The following ZNF804B variants were observed in gnomAD, a reference collection of about 807,000 sequenced individuals.
The protein encoded by ZNF804B is zinc finger 804B.
A neutral mutation model predicts 101.4 loss-of-function variants in ZNF804B; 80 were observed. The observed-to-expected ratio is 0.79, with a 90% CI of 0.66 to 0.95. The LOEUF (loss-of-function observed/expected upper bound fraction) is 0.95. ZNF804B is among the 40% of genes least tolerant of loss of function. The pLI is 0.00. For missense variants in ZNF804B, 1,673 were observed against 1,561.9 expected (o/e 1.07, Z -1.20); for synonymous variants, 622 against 558.8 (o/e 1.11, Z -1.59).
chr7:88,900,966 A>C (rs1792381020), intron 1 of ZNF804B, among the ~76,000 whole-genome samples: 1 of 151,796 alleles, frequency 6.6e-6, no homozygotes, highest in African/African-American at 2.4e-5. Flanking sequence ...TTTAATGATA[A>C]ATACTTCTAG....
intron 1 of ZNF804B, among the ~76,000 whole-genome samples, chr7:88,990,602 T>C: frequency 6.6e-6 from 1 of 152,106 alleles, no homozygotes; most frequent in East Asian, 1.9e-4. Context: ...TACCATATTG[T>C]ATCCCAGATA....
At chr7:88,794,172 C>T (rs758264497) in intron 1 of ZNF804B, 1 of 1,593,308 alleles carries the variant, frequency 6.3e-7, no homozygotes, top group Non-Finnish European at 8.6e-7. Flanking sequence ...CACATTATCC[C>T]TCTCAATCCT....
At chr7:88,996,034 C>T (rs1350697273) in intron 1 of ZNF804B, among the ~76,000 whole-genome samples, 1 of 151,972 alleles carries the variant, frequency 6.6e-6, no homozygotes, top group Non-Finnish European at 1.5e-5. Context: ...CATAGTGTGG[C>T]ATTGTAGATG....
At position 89,056,885 on chromosome 7, in the gene ZNF804B, T is replaced by G. The variant is rs192040516; in HGVS notation, c.109-161270T>G. ...GTCATCGTGTCACTGAATGAAGAGATGGGAAGAAACCTCAAATCTATCTTC... is the reference window on the plus strand; with the variant it reads ...GTCATCGTGTCACTGAATGAAGAGAGGGGAAGAAACCTCAAATCTATCTTC... On this transcript the variant is annotated intron_variant, in intron 1 of 3. Coordinates refer to ENST00000333190, the MANE Select transcript of ZNF804B (RefSeq NM_181646.5). 1.5e-3 allele frequency among the ~76,000 whole-genome samples: 224 copies of G among 152,114 alleles called. 1 individual carries two copies. The highest frequency in any genetic ancestry group is 2.6e-3 in the Non-Finnish European group (175 of 67,960).
chr7:89,202,077 T>C (rs1478252510), intron 1 of ZNF804B, among the ~76,000 whole-genome samples: 1 of 152,082 alleles, frequency 6.6e-6, no homozygotes, highest in East Asian at 1.9e-4. Flanking sequence ...ATAGGGATTG[T>C]GTATTATTAT....
intron 1 of ZNF804B, among the ~76,000 whole-genome samples, chr7:89,151,708 A>AC (rs1790879288): frequency 6.6e-6 from 1 of 151,938 alleles, no homozygotes; most frequent in Non-Finnish European, 1.5e-5. Context: ...CTGAAAAAAA[A>AC]AAATAATTTT....
At chr7:89,113,717 C>T (rs1790258597) in intron 1 of ZNF804B, among the ~76,000 whole-genome samples, 1 of 152,024 alleles carries the variant, frequency 6.6e-6, no homozygotes. Context: ...CTTTGGGAGG[C>T]CAAGGCGGGC....
chr7:89,255,763 G>A (rs1789621544), intron 2 of ZNF804B, among the ~76,000 whole-genome samples: 1 of 152,028 alleles, frequency 6.6e-6, no homozygotes, highest in Non-Finnish European at 1.5e-5. Context: ...AAACTTTACA[G>A]AGAGGGAAAT....
At chr7:88,902,050 T>G (rs1438210493) in intron 1 of ZNF804B, among the ~76,000 whole-genome samples, 1 of 151,958 alleles carries the variant, frequency 6.6e-6, no homozygotes, top group Non-Finnish European at 1.5e-5. Flanking sequence ...CTAACTTTAG[T>G]CATAATTGCA....
chr7:89,098,386 C>T (rs1210630302), intron 1 of ZNF804B, among the ~76,000 whole-genome samples: 1 of 150,214 alleles, frequency 6.7e-6, no homozygotes, highest in Non-Finnish European at 1.5e-5. Flanking sequence ...AATTCTCCTA[C>T]CTCAGTCTCC....
At chr7:89,021,582 G>T (rs1405283600) in intron 1 of ZNF804B, among the ~76,000 whole-genome samples, 1 of 152,200 alleles carries the variant, frequency 6.6e-6, no homozygotes, top group African/African-American at 2.4e-5. Flanking sequence ...TGCTAGGCCA[G>T]TCTGGTGGCA....
chr7:89,024,285 G>A (rs187618875), intron 1 of ZNF804B, among the ~76,000 whole-genome samples: 61 of 152,210 alleles, frequency 4.0e-4, no homozygotes, highest in African/African-American at 1.4e-3. Context: ...AATACTTAGG[G>A]TACAAAGAAG....
intron 1 of ZNF804B, among the ~76,000 whole-genome samples, chr7:89,148,916 C>G (rs952827913): frequency 2.0e-5 from 3 of 152,042 alleles, no homozygotes; most frequent in African/African-American, 7.2e-5. Flanking sequence ...CTGAAAGAAG[C>G]TAGCCATAAA....
intron 1 of ZNF804B, among the ~76,000 whole-genome samples, chr7:88,768,564 A>T (rs886247040): frequency 6.6e-6 from 1 of 152,150 alleles, no homozygotes; most frequent in Non-Finnish European, 1.5e-5. Context: ...TAAAAATACA[A>T]AAAGTTAGCT....
chr7:88,893,610 A>C (rs1019178800), intron 1 of ZNF804B, among the ~76,000 whole-genome samples: 4 of 152,164 alleles, frequency 2.6e-5, no homozygotes, highest in African/African-American at 9.7e-5. Context: ...TGAACTTAAT[A>C]GATTTGACTT....
intron 1 of ZNF804B, among the ~76,000 whole-genome samples, chr7:89,091,098 A>G (rs2116325571): frequency 6.6e-6 from 1 of 152,238 alleles, no homozygotes; most frequent in East Asian, 1.9e-4. Context: ...ATTTTTTATC[A>G]GTAAATTTAA....
intron 2 of ZNF804B, among the ~76,000 whole-genome samples, chr7:89,258,814 A>G (rs889980524): frequency 3.4e-5 from 5 of 148,868 alleles, no homozygotes; most frequent in Non-Finnish European, 7.4e-5. Flanking sequence ...TATATTGACT[A>G]TTAAGTCAAA....
Position 89,218,302 on chromosome 7 carries a change from C to CA in ZNF804B, c.249+10dup. On this transcript the variant is annotated splice_region_variant and intron_variant, in intron 2 of 3. Coordinates refer to ENST00000333190, the MANE Select transcript of ZNF804B (RefSeq NM_181646.5). ...TGACCATGCTCATAAGCAGGTAAGG[C>CA]AAAGTGGGAAAAGTCCTTCATATTC... 1 of 1,613,142 alleles carries CA rather than the reference C, an allele frequency of 6.2e-7. No homozygotes were observed. The highest frequency in any genetic ancestry group is 8.5e-7 in the Non-Finnish European group (1 of 1,179,540).
intron 1 of ZNF804B, among the ~76,000 whole-genome samples, chr7:89,092,338 A>G (rs560772577): frequency 1.3e-5 from 2 of 151,704 alleles, no homozygotes; most frequent in South Asian, 4.2e-4. Flanking sequence ...ACACACATTC[A>G]GACGATAGCA....
Sources: allele counts gnomAD v4.1 joint callset (sites outside exome capture counted in the v4.1 genomes callset), GRCh38; gene constraint gnomAD v4.1.1; transcripts MANE v1.5; gene names NCBI Gene and HGNC (gene_info 2026-07-23, HGNC 2026-07-21).